The following SESTD1 variants were observed in gnomAD, a reference collection of about 807,000 sequenced individuals.
SESTD1 encodes the protein SEC14 and spectrin domain containing 1, also known as SEC14 domain and spectrin repeat-containing protein 1.
A neutral mutation model predicts 101.7 loss-of-function variants in SESTD1; 43 were observed. The ratio of observed to expected loss-of-function variants is 0.42; its 90% CI spans 0.33 to 0.55. The LOEUF is 0.55. SESTD1 is among the 20% of genes least tolerant of loss of function. The pLI, the probability that SESTD1 is intolerant of heterozygous loss-of-function variation, is 0.07. For missense variants in SESTD1, 647 were observed against 815.1 expected (o/e 0.79, Z 2.51); for synonymous variants, 283 against 286.8 (o/e 0.99, Z 0.13).
chr2:179,225,545 A>G (rs899503264), intron 1 of SESTD1, among the ~76,000 whole-genome samples: 3 of 152,158 alleles, frequency 2.0e-5, no homozygotes, highest in African/African-American at 7.2e-5. Flanking sequence ...AAAAAACCTG[A>G]GACTGGGTAA....
chr2:179,115,949 G>A (rs1219736138), intron 15 of SESTD1, among the ~76,000 whole-genome samples: 3 of 152,034 alleles, frequency 2.0e-5, no homozygotes, highest in African/African-American at 7.2e-5. Flanking sequence ...AACTACATCT[G>A]TTAAAACGTG....
intron 8 of SESTD1, among the ~76,000 whole-genome samples, chr2:179,145,735 A>G (rs1168837910): frequency 2.0e-5 from 3 of 152,180 alleles, no homozygotes; most frequent in African/African-American, 7.2e-5. Context: ...ATGGAGAGAG[A>G]GCTTAATAGT....
In SESTD1 at chr2:179,207,729, CCT is replaced by C. The variant is rs1261863566; in HGVS notation, c.-25-15865_-25-15864del. ...GGACAAAAGAATCTGAACAGCAGCC[CCT>C]GAGTTCCAGATCTTTCCACTGAAAC... On this transcript the variant is annotated intron_variant, in intron 1 of 17. Coordinates refer to ENST00000428443, the MANE Select transcript of SESTD1 (RefSeq NM_178123.5). 4.5e-5 allele frequency among the ~76,000 whole-genome samples: 6 copies of C among 134,454 alleles called. 1 individual carries two copies. Among genetic ancestry groups the C allele is most frequent in the Non-Finnish European group, 9.6e-5 (6 of 62,608 alleles). 88.2% of individuals were successfully genotyped at this position (134,454 alleles called of 152,430 possible). A position where few individuals can be genotyped will look rare whatever the true frequency, so the allele number is the denominator to read the frequency against.
At chr2:179,261,884 A>T (rs78519350) in intron 1 of SESTD1, among the ~76,000 whole-genome samples, 8,583 of 152,270 alleles carry the variant, frequency 0.056, 310 homozygotes, top group South Asian at 0.11. Flanking sequence ...CATCCAAGAA[A>T]ATTGAAAGCA....
intron 1 of SESTD1, among the ~76,000 whole-genome samples, chr2:179,246,070 T>C (rs1356231684): frequency 1.3e-5 from 2 of 151,994 alleles, no homozygotes; most frequent in African/African-American, 4.8e-5. Context: ...GCCTGGTCAA[T>C]GTGTCGAAAC....
At chr2:179,258,851 CT>C (rs2047438769) in intron 1 of SESTD1, among the ~76,000 whole-genome samples, 1 of 152,216 alleles carries the variant, frequency 6.6e-6, no homozygotes, top group South Asian at 2.1e-4. Context: ...AATTACTACT[CT>C]TAAGCACTGG....
At chr2:179,246,199 G>T (rs918877187) in intron 1 of SESTD1, among the ~76,000 whole-genome samples, 4 of 141,690 alleles carry the variant, frequency 2.8e-5, no homozygotes, top group African/African-American at 1.0e-4. Flanking sequence ...AGGTTGCAGT[G>T]AGCCAAGATC....
rs1575418112 is a variant in SESTD1, at chr2:179,112,759, C to G, written c.1926G>C (p.Leu642Phe). The stretch of plus-strand genomic sequence containing the variant: ...AAACTACTGGAACAGTTAATCTATC[C>G]AAAAGTGATTTCCCAACTGCTTCAA... The part of the protein sequence containing the change: ...DEIEAVGKSL[L>F]DRLTVPVVYP... Residue 642 changes from leucine to phenylalanine, a missense_variant, in exon 17 of 18, where the codon TTG (leucine) becomes TTC (phenylalanine). Physicochemically the swap from Leu to Phe is conservative, Grantham distance 22 (BLOSUM62 0). This residue lies in a region of SESTD1 where 476 missense variants were observed against 562.6 expected (regional missense o/e 0.85). Transcript: ENST00000428443. 6.2e-7 allele frequency: 1 copy of G among 1,613,012 alleles called. No homozygotes were observed.
intron 1 of SESTD1, among the ~76,000 whole-genome samples, chr2:179,197,974 G>A (rs1327285811): frequency 6.6e-6 from 1 of 151,952 alleles, no homozygotes; most frequent in Non-Finnish European, 1.5e-5. Flanking sequence ...AACTTTAAAT[G>A]TAAATGGACT....
intron 5 of SESTD1, among the ~76,000 whole-genome samples, chr2:179,159,687 C>CT: frequency 6.6e-6 from 1 of 152,248 alleles, no homozygotes; most frequent in African/African-American, 2.4e-5. Context: ...ACTGGTAGGG[C>CT]TTCCTATATT....
chr2:179,248,561 G>GTTGATTGAA (rs1187598555), intron 1 of SESTD1, among the ~76,000 whole-genome samples: 1 of 151,930 alleles, frequency 6.6e-6, no homozygotes, highest in Non-Finnish European at 1.5e-5. Context: ...GGGATGGCAA[G>GTTGATTGAA]TTGATTGAAT....
At chr2:179,237,646 T>C (rs1224274584) in intron 1 of SESTD1, among the ~76,000 whole-genome samples, 1 of 152,208 alleles carries the variant, frequency 6.6e-6, no homozygotes, top group African/African-American at 2.4e-5. Context: ...ATAAGGAAAG[T>C]GATTTTTTTC....
chr2:179,247,815 G>T (rs2047256248), intron 1 of SESTD1, among the ~76,000 whole-genome samples: 2 of 151,536 alleles, frequency 1.3e-5, no homozygotes, highest in Non-Finnish European at 2.9e-5. Context: ...GCAGATACAG[G>T]AATAAACAGA....
At chr2:179,135,375 A>C (rs1334857424) in intron 9 of SESTD1, among the ~76,000 whole-genome samples, 2 of 152,212 alleles carry the variant, frequency 1.3e-5, no homozygotes, top group Non-Finnish European at 2.9e-5. Flanking sequence ...TTTGTGATTT[A>C]TCTCTTCATG....
chr2:179,132,562 T>TA (rs1274461552), intron 9 of SESTD1, 136 bp from the exon 10 acceptor site: 1 of 977,284 alleles, frequency 1.0e-6, no homozygotes, highest in African/African-American at 1.7e-5. Context: ...ACATAGGCAG[T>TA]AAATGTTTCT....
intron 1 of SESTD1, among the ~76,000 whole-genome samples, chr2:179,257,247 A>G (rs1006320131): frequency 2.0e-5 from 3 of 152,172 alleles, no homozygotes; most frequent in Non-Finnish European, 4.4e-5. Context: ...GCAAGAAAGT[A>G]ATTACCATAG....
At chr2:179,160,372 T>C (rs1174967930) in intron 5 of SESTD1, among the ~76,000 whole-genome samples, 1 of 152,096 alleles carries the variant, frequency 6.6e-6, no homozygotes, top group East Asian at 1.9e-4. Flanking sequence ...AAAAAAAGCT[T>C]TGAAAATCTT....
intron 9 of SESTD1, among the ~76,000 whole-genome samples, chr2:179,143,206 A>G (rs2045319105): frequency 6.6e-6 from 1 of 152,144 alleles, no homozygotes; most frequent in African/African-American, 2.4e-5. Flanking sequence ...TACATGTGTT[A>G]TTTTGTTAGG....
intron 4 of SESTD1, among the ~76,000 whole-genome samples, chr2:179,175,023 T>C (rs2045987880): frequency 6.6e-6 from 1 of 150,570 alleles, no homozygotes; most frequent in Non-Finnish European, 1.5e-5. Context: ...AATGAGGCAA[T>C]GGGTAGAAAA....
Sources: allele counts gnomAD v4.1 joint callset (sites outside exome capture counted in the v4.1 genomes callset), GRCh38; gene constraint gnomAD v4.1.1; regional missense constraint gnomAD v4.1.1; transcripts MANE v1.5; gene names NCBI Gene and HGNC (gene_info 2026-07-23, HGNC 2026-07-21).